The following PIK3R5 variants were observed in gnomAD, a reference collection of about 807,000 sequenced individuals.
PIK3R5 encodes the protein phosphoinositide-3-kinase regulatory subunit 5, also known as phosphoinositide 3-kinase regulatory subunit 5.
A neutral mutation model predicts 94.9 loss-of-function variants in PIK3R5; 32 were observed. The ratio of observed to expected loss-of-function variants is 0.34; its 90% CI spans 0.25 to 0.45. The LOEUF (loss-of-function observed/expected upper bound fraction) is 0.45. PIK3R5 is among the 20% of genes least tolerant of loss of function. The pLI, the probability that PIK3R5 is intolerant of heterozygous loss-of-function variation, is 1.00. For synonymous variants in PIK3R5, 443 were observed against 479.4 expected (o/e 0.92, Z 0.99); for missense variants, 853 against 1,144.6 (o/e 0.75, Z 3.68).
rs553219770 is a variant in PIK3R5, at chr17:8,892,192, C to T, written c.483-1280G>A. On this transcript the variant is annotated intron_variant, in intron 6 of 18. Coordinates refer to ENST00000447110, the MANE Select transcript of PIK3R5 (RefSeq NM_001142633.3). The surrounding 1 kb of genome is among the most constrained non-coding windows in gnomAD (Gnocchi z 4.3). ...CAGCATTCCCTCCACACTCTGGGGA[C>T]GTCGGTGCCCGGGGACAGGGCAGAG... Among the ~76,000 whole-genome samples, 2 of 152,260 alleles carry T rather than the reference C, an allele frequency of 1.3e-5. No homozygotes were observed. The highest frequency in any genetic ancestry group is 6.5e-5 in the Admixed American group (1 of 15,288).
At position 8,911,678 on chromosome 17, in the gene PIK3R5, T is replaced by A. The variant is rs1464468286; in HGVS notation, c.-13-171A>T. ...CTTACAGCTGCCTCCAGGGTAGGAA[T>A]GGCATCTGGAGGGCCACATCTGAGT... On this transcript the variant is annotated intron_variant, in intron 1 of 18. Transcript: ENST00000447110. This position sits in a 1 kb window ranked among gnomAD's most constrained non-coding sequence, Gnocchi z 5.3. 1.8e-6 allele frequency: 1 copy of A among 570,524 alleles called. No individual in the cohort carries two copies. The allele number at this position is 570,524 out of a possible 1,614,324, so 35.3% of individuals were successfully genotyped here.
At chr17:8,928,276 T>A (rs1204955041) in intron 1 of PIK3R5, among the ~76,000 whole-genome samples, 7 of 152,174 alleles carry the variant, frequency 4.6e-5, no homozygotes, top group Non-Finnish European at 8.8e-5. Context: ...GGAGGCTGAG[T>A]GTGGAACCTG....
At chr17:8,961,573 T>C (rs1263562840) in intron 1 of PIK3R5, among the ~76,000 whole-genome samples, 1 of 152,068 alleles carries the variant, frequency 6.6e-6, no homozygotes, top group Non-Finnish European at 1.5e-5. Context: ...AGGCGGAGGT[T>C]GCAGTGAGCC....
intron 1 of PIK3R5, among the ~76,000 whole-genome samples, chr17:8,958,466 G>T (rs1195539176): frequency 6.6e-6 from 1 of 150,988 alleles, no homozygotes; most frequent in Admixed American, 6.6e-5. Context: ...GAGTTTCCTT[G>T]CAGATGCTTT....
chr17:8,941,974 G>T (rs78587430), intron 1 of PIK3R5, among the ~76,000 whole-genome samples: 143 of 152,350 alleles, frequency 9.4e-4, no homozygotes, highest in African/African-American at 3.2e-3. Flanking sequence ...AATTCTCTGA[G>T]AATTTCCCGT....
At chr17:8,954,702 G>A (rs2091437520) in intron 1 of PIK3R5, among the ~76,000 whole-genome samples, 1 of 152,114 alleles carries the variant, frequency 6.6e-6, no homozygotes, top group Non-Finnish European at 1.5e-5. Context: ...TCGGGAGGCC[G>A]AGGCGGGTAG....
At chr17:8,962,362 AT>A (rs1430964923) in intron 1 of PIK3R5, among the ~76,000 whole-genome samples, 1 of 152,274 alleles carries the variant, frequency 6.6e-6, no homozygotes, top group African/African-American at 2.4e-5. Context: ...GGCCAGAACC[AT>A]TTGATGAAAA....
chr17:8,939,438 T>C (rs1859399762), intron 1 of PIK3R5, among the ~76,000 whole-genome samples: 1 of 152,226 alleles, frequency 6.6e-6, no homozygotes, highest in Non-Finnish European at 1.5e-5. Flanking sequence ...GGTCAAACTA[T>C]TTTTAAATCA....
At position 8,909,095 on chromosome 17, in the gene PIK3R5, C is replaced by G. The variant is rs1232941941; in HGVS notation, c.183G>C (p.Gln61His). 3 of 1,608,566 alleles carry G rather than the reference C, an allele frequency of 1.9e-6. No individual in the cohort carries two copies. The highest frequency in any genetic ancestry group is 3.3e-5 in the Admixed American group (2 of 59,710). Residue 61 changes from glutamine (Q) to histidine (H), a missense_variant, in exon 3 of 19, where the codon CAG becomes CAC. By Grantham distance (24) the Gln-to-His change is conservative (BLOSUM62 0). Around this residue, in one of 6 missense-constraint regions of PIK3R5, gnomAD observed 108 missense variants for 170.1 expected, o/e 0.63. Transcript: ENST00000447110. The surrounding 1 kb of genome is among the most constrained non-coding windows in gnomAD (Gnocchi z 4.3). ...TCACCTCTCGGGTCTTCTGCAGGAT[C>G]TGCTCAAGGAGGATAAGGAAGTGGC... ...DPGHFLILLE[Q>H]ILQKTREVQE...
chr17:8,881,556 C>T lies in PIK3R5; in HGVS notation c.2382+74G>A, dbSNP rs1413877849. ...GCACACACATACATGTGCACACACA[C>T]GTACACACATACGCACATGCACGCT... is the stretch of plus-strand genomic sequence containing the variant. On this transcript the variant is annotated intron_variant, in intron 17 of 18. Coordinates refer to ENST00000447110, the MANE Select transcript of PIK3R5 (RefSeq NM_001142633.3). The surrounding 1 kb of genome is among the most constrained non-coding windows in gnomAD (Gnocchi z 4.8). 26 of 1,115,282 alleles carry T rather than the reference C, an allele frequency of 2.3e-5. 1 individual carries two copies. In the Admixed American group the frequency reaches 2.3e-4, roughly 10 times the overall value. 69.1% of individuals were successfully genotyped at this position (1,115,282 alleles called of 1,614,324 possible).
chr17:8,889,979 C>A lies in PIK3R5; in HGVS notation c.805G>T (p.Val269Leu), dbSNP rs764437349. Residue 269 changes from valine (V) to leucine (L), a missense_variant, in exon 8 of 19, where the codon GTG becomes TTG. Val to Leu is a conservative substitution (Grantham distance 32). Around this residue, in one of 6 missense-constraint regions of PIK3R5, gnomAD observed 161 missense variants for 249.5 expected, o/e 0.65. Transcript: ENST00000447110. The surrounding 1 kb of genome is among the most constrained non-coding windows in gnomAD (Gnocchi z 4.1). ...ATTCTCCCAAGAGCCTCACCTAACA[C>A]CCCAGGGAAGCCAGCTTTTTCTCCC... ...AVGEKAGFPG[V>L]LDTAKPGKLH... is the part of the protein sequence containing the mutation. The A allele has an allele frequency of 6.2e-7, 1 of 1,613,802 alleles. No individual in the cohort carries two copies. The highest frequency in any genetic ancestry group is 1.3e-5 in the African/African-American group (1 of 74,972).
chr17:8,956,638 G>A (rs1316124862), intron 1 of PIK3R5, among the ~76,000 whole-genome samples: 1 of 152,128 alleles, frequency 6.6e-6, no homozygotes, highest in Non-Finnish European at 1.5e-5. Context: ...ACAATAACAG[G>A]CCAAGGAGAG....
chr17:8,952,343 G>A (rs552017920), intron 1 of PIK3R5, among the ~76,000 whole-genome samples: 1 of 152,322 alleles, frequency 6.6e-6, no homozygotes, highest in South Asian at 2.1e-4. Flanking sequence ...ATGCCATTTA[G>A]TTACAGCTGG....
At chr17:8,894,119 T>C (rs918295448) in intron 5 of PIK3R5, among the ~76,000 whole-genome samples, 31 of 152,182 alleles carry the variant, frequency 2.0e-4, no homozygotes, top group Admixed American at 1.8e-3. Context: ...CAGTTTCTCC[T>C]GGGAAGGGCC....
rs1327999383 is a variant in PIK3R5, at chr17:8,945,322, T to G, written c.-14+20274A>C. Among the ~76,000 whole-genome samples, 1 of 152,068 alleles carries G rather than the reference T, an allele frequency of 6.6e-6. No homozygotes were observed. The highest frequency in any genetic ancestry group is 2.4e-5 in the African/African-American group (1 of 41,410). On this transcript the variant is annotated intron_variant, in intron 1 of 18. Coordinates refer to ENST00000447110, the MANE Select transcript of PIK3R5 (RefSeq NM_001142633.3). This position sits in a 1 kb window ranked among gnomAD's most constrained non-coding sequence, Gnocchi z 4.0. ...CACTAGCTCCAAGAGATTCTTCCCT[T>G]ACAATCAGTAGGTCTGCCTCCCACC...
chr17:8,956,006 A>C (rs984601110), intron 1 of PIK3R5, among the ~76,000 whole-genome samples: 2 of 152,054 alleles, frequency 1.3e-5, no homozygotes, highest in Non-Finnish European at 2.9e-5. Context: ...AACACACACA[A>C]AAAATTAGCT....
chr17:8,880,520 C>T lies in PIK3R5; in HGVS notation c.*119G>A. On this transcript the variant is annotated 3_prime_UTR_variant, in exon 19 of 19. Coordinates refer to ENST00000447110, the MANE Select transcript of PIK3R5 (RefSeq NM_001142633.3). ...CCCAGCCCCTGCTCATTGCAGGACC[C>T]ACAGTGGGACTATGGCTCTGCACAG... 1 of 1,055,478 alleles carries T rather than the reference C, an allele frequency of 9.5e-7. No individual in the cohort carries two copies. The highest frequency in any genetic ancestry group is 1.9e-5 in the South Asian group (1 of 53,346). The allele number at this position is 1,055,478 out of a possible 1,614,324, so 65.4% of individuals were successfully genotyped here.
chr17:8,928,269 G>A (rs1943941080), intron 1 of PIK3R5, among the ~76,000 whole-genome samples: 1 of 152,176 alleles, frequency 6.6e-6, no homozygotes, highest in Non-Finnish European at 1.5e-5. Flanking sequence ...TGGCAATGGA[G>A]GCTGAGTGTG....
chr17:8,956,872 T>G (rs1462484877), intron 1 of PIK3R5, among the ~76,000 whole-genome samples: 5 of 152,182 alleles, frequency 3.3e-5, no homozygotes, highest in Admixed American at 3.3e-4. Flanking sequence ...TTTTACCAAG[T>G]ATCAGAAGGA....
Sources: gnomAD v4.1 joint callset for allele counts (sites outside exome capture counted in the v4.1 genomes callset) on GRCh38, gnomAD v4.1.1 for gene constraint, gnomAD v4.1.1 regional missense constraint, Gnocchi (gnomAD v3.1) non-coding constraint, MANE v1.5 for transcripts, NCBI Gene and HGNC (gene_info 2026-07-23, HGNC 2026-07-21) for gene names.